USPL1: variants seen among roughly 807,000 people sequenced by gnomAD.
USPL1 encodes SUMO-specific isopeptidase USPL1.
Under a neutral mutation model 51.5 loss-of-function variants are expected in USPL1, and 27 were observed. The observed-to-expected ratio is 0.52, with a 90% CI of 0.39 to 0.72. The LOEUF (loss-of-function observed/expected upper bound fraction) is 0.72. USPL1 is among the 30% of genes least tolerant of loss of function. The pLI is 0.00. For missense variants in USPL1, 1,226 were observed against 1,268.0 expected, an observed-to-expected ratio of 0.97 and a Z score of 0.50; for synonymous variants, 451 against 459.6, an observed-to-expected ratio of 0.98 and a Z score of 0.24.
At position 30,631,168 on chromosome 13, in the gene USPL1, C is replaced by G. The variant is rs1232698629; in HGVS notation, c.562C>G (p.Pro188Ala). ...DTVDMATTKDPATVDVSGTGR... is the reference protein window; with the variant it reads ...DTVDMATTKDAATVDVSGTGR... Reference sequence around the variant, plus strand: ...TGTTGACATGGCTACTACAAAAGATCCTGCTACAGTTGATGTCTCTGGAAC... The same window carrying G: ...TGTTGACATGGCTACTACAAAAGATGCTGCTACAGTTGATGTCTCTGGAAC... Residue 188 changes from proline to alanine, a missense_variant, in exon 4 of 9, where the codon CCT (proline) becomes GCT (alanine). Pro to Ala is a conservative substitution (Grantham distance 27). Transcript: ENST00000255304. 6.2e-7 allele frequency: 1 copy of G among 1,614,018 alleles called. No homozygotes were observed. Among genetic ancestry groups the G allele is most frequent in the African/African-American group, 1.3e-5 (1 of 74,894 alleles).
chr13:30,624,205 T>C (rs1950680998), intron 3 of USPL1, among the ~76,000 whole-genome samples: 2 of 152,112 alleles, frequency 1.3e-5, no homozygotes, highest in Admixed American at 1.3e-4. Flanking sequence ...CTCTGGAGAA[T>C]TGCTTGGTGT....
At chr13:30,623,136 C>T (rs1248204519) in intron 3 of USPL1, among the ~76,000 whole-genome samples, 2 of 152,024 alleles carry the variant, frequency 1.3e-5, no homozygotes, top group Non-Finnish European at 2.9e-5. Context: ...GTGAGGGGAA[C>T]GCTTCAATGA....
intron 1 of USPL1, among the ~76,000 whole-genome samples, chr13:30,620,076 G>A (rs928196199): frequency 6.6e-6 from 1 of 152,152 alleles, no homozygotes; most frequent in African/African-American, 2.4e-5. Context: ...AAGATTCGCC[G>A]ATACTTTCTT....
intron 5 of USPL1, among the ~76,000 whole-genome samples, chr13:30,640,380 CA>C (rs999083098): frequency 1.3e-5 from 2 of 152,052 alleles, no homozygotes; most frequent in African/African-American, 4.8e-5. Context: ...TTTCTACTTA[CA>C]AAAAAACTTT....
chr13:30,618,871 G>C (rs1016415508), intron 1 of USPL1, among the ~76,000 whole-genome samples: 4 of 152,194 alleles, frequency 2.6e-5, no homozygotes, highest in African/African-American at 9.7e-5. Context: ...GGAGTTTGCT[G>C]TAATCAGGCT....
chr13:30,628,115 C>T (rs759490396), intron 3 of USPL1, among the ~76,000 whole-genome samples: 4 of 145,866 alleles, frequency 2.7e-5, no homozygotes, highest in East Asian at 2.0e-4. Context: ...AGGCTGGTCT[C>T]GAACTCCTGA....
chr13:30,642,692 G>T lies in USPL1; in HGVS notation c.1047G>T (p.Lys349Asn). The T allele has an allele frequency of 6.2e-7, 1 of 1,613,884 alleles. No homozygotes were observed. The highest frequency in any genetic ancestry group is 8.5e-7 in the Non-Finnish European group (1 of 1,179,896). The change falls in exon 6 of 9, where the codon AAG becomes AAT. Residue 349 changes from lysine (K) to asparagine (N), a missense_variant. Physicochemically the swap from Lys to Asn is moderately conservative, Grantham distance 94. Coordinates refer to ENST00000255304, the MANE Select transcript of USPL1 (RefSeq NM_005800.5). ...LLLKLETHIE[K>N]LFLYSFSWDF... ...TAAAACTAGAAACCCACATTGAAAAGCTCTTCCTATATTCTTTTTCTTGGG... is the reference window on the plus strand; with the variant it reads ...TAAAACTAGAAACCCACATTGAAAATCTCTTCCTATATTCTTTTTCTTGGG...
intron 3 of USPL1, among the ~76,000 whole-genome samples, chr13:30,624,704 A>G (rs531494890): frequency 8.0e-4 from 122 of 152,370 alleles, no homozygotes; most frequent in African/African-American, 2.9e-3. Flanking sequence ...AAAATATCTC[A>G]AAAGACTCTG....
chr13:30,637,643 C>T (rs1007311405), intron 4 of USPL1, 101 bp from the exon 5 acceptor site: 39 of 972,966 alleles, frequency 4.0e-5, no homozygotes, highest in Non-Finnish European at 6.0e-5. Flanking sequence ...TGTCTGTTTG[C>T]AAAACTTACT....
chr13:30,630,783 A>T, intron 3 of USPL1, 52 bp from the exon 4 acceptor site: 1 of 1,492,440 alleles, frequency 6.7e-7, no homozygotes, highest in Non-Finnish European at 9.0e-7. Flanking sequence ...ACTATAAAAC[A>T]TGAAGTTATT....
chr13:30,657,136 GA>G (rs1482568174), intron 8 of USPL1, among the ~76,000 whole-genome samples: 2 of 152,112 alleles, frequency 1.3e-5, no homozygotes, highest in African/African-American at 4.8e-5. Flanking sequence ...TGACAAATGT[GA>G]AAATGGAAGC....
intron 7 of USPL1, among the ~76,000 whole-genome samples, chr13:30,649,766 T>G (rs140229838): frequency 4.6e-5 from 7 of 152,372 alleles, no homozygotes; most frequent in Non-Finnish European, 1.0e-4. Context: ...CCTTGTGCTT[T>G]CTTTCTCTCT....
At chr13:30,622,920 C>T (rs956014178) in intron 3 of USPL1, among the ~76,000 whole-genome samples, 2 of 150,888 alleles carry the variant, frequency 1.3e-5, no homozygotes, top group African/African-American at 4.8e-5. Context: ...ATGAGTGTCA[C>T]TGTTTGGCAC....
At chr13:30,655,777 T>C (rs1281168004) in intron 8 of USPL1, among the ~76,000 whole-genome samples, 2 of 152,234 alleles carry the variant, frequency 1.3e-5, no homozygotes, top group Non-Finnish European at 2.9e-5. Context: ...GAAAAAAATA[T>C]AGTGCTTTGG....
intron 5 of USPL1, among the ~76,000 whole-genome samples, chr13:30,642,065 C>G (rs1189400740): frequency 6.6e-6 from 1 of 152,112 alleles, no homozygotes; most frequent in Non-Finnish European, 1.5e-5. Flanking sequence ...TAGCACCACT[C>G]TCAGCTAATT....
At chr13:30,621,925 A>T (rs2137601795) in intron 3 of USPL1, 33 bp downstream of exon 3, 1 of 1,336,886 alleles carries the variant, frequency 7.5e-7, no homozygotes, top group South Asian at 2.0e-5. Context: ...TATATATAAG[A>T]TTTTTCTTTT....
chr13:30,649,081 C>G (rs564898021), intron 7 of USPL1, among the ~76,000 whole-genome samples: 17 of 152,326 alleles, frequency 1.1e-4, no homozygotes, highest in Admixed American at 1.1e-3. Context: ...AGTTGCTTCC[C>G]TTAAAGATTC....
chr13:30,659,340 T>G lies in USPL1; in HGVS notation c.3263T>G (p.Leu1088Arg). ...GACCTACCTCATTTCGATGAATATCTGTTTGAGAATTATTGAATTAATGCT... is the reference window on the plus strand; with the variant it reads ...GACCTACCTCATTTCGATGAATATCGGTTTGAGAATTATTGAATTAATGCT... ...TLDLPHFDEY[L>R]FENY The change falls in exon 9 of 9, where the codon CTG (leucine) becomes CGG (arginine). Residue 1088 changes from leucine (L) to arginine (R), a missense_variant. Transcript: ENST00000255304. 1 of 1,585,390 alleles carries G rather than the reference T, an allele frequency of 6.3e-7. No individual in the cohort carries two copies. The highest frequency in any genetic ancestry group is 8.6e-7 in the Non-Finnish European group (1 of 1,168,218).
chr13:30,644,754 G>A (rs1488375268), intron 6 of USPL1, among the ~76,000 whole-genome samples: 2 of 152,056 alleles, frequency 1.3e-5, no homozygotes, highest in African/African-American at 4.8e-5. Flanking sequence ...TCTCCAAAGG[G>A]CCTGTTTTAC....
Sources: allele counts gnomAD v4.1 joint callset (sites outside exome capture counted in the v4.1 genomes callset), GRCh38; gene constraint gnomAD v4.1.1; transcripts MANE v1.5; gene names NCBI Gene and HGNC (gene_info 2026-07-23, HGNC 2026-07-21).